Variants in ATP10A observed in about 807,000 individuals in gnomAD.
ATP10A encodes phospholipid-transporting ATPase VA.
A neutral mutation model predicts 147.8 loss-of-function variants in ATP10A; 111 were observed. The ratio of observed to expected loss-of-function variants is 0.75; its 90% CI spans 0.64 to 0.88. The LOEUF is 0.88. ATP10A is among the 40% of genes least tolerant of loss of function. The probability of loss-of-function intolerance (pLI) is 0.00; values close to 1 mark genes in which losing one functional copy is unlikely to be tolerated. For missense variants in ATP10A, 1,927 were observed against 1,959.0 expected (o/e 0.98, Z 0.31); for synonymous variants, 875 against 841.6 (o/e 1.04, Z -0.69).
At chr15:25,696,343 G>A (rs945455671) in intron 13 of ATP10A, among the ~76,000 whole-genome samples, 2 of 152,240 alleles carry the variant, frequency 1.3e-5, no homozygotes, top group Non-Finnish European at 2.9e-5. Flanking sequence ...GTGCGAAAGT[G>A]TGGAGATGGA....
chr15:25,694,984 C>G lies in ATP10A; in HGVS notation c.2923G>C (p.Asp975His). 1.2e-6 allele frequency: 2 copies of G among 1,614,184 alleles called. No homozygotes were observed. The highest frequency in any genetic ancestry group is 1.7e-6 in the Non-Finnish European group (2 of 1,180,036). The change falls in exon 14 of 21, where the codon GAT becomes CAT. Residue 975 changes from aspartate (D) to histidine (H), a missense_variant. Asp to His is a moderately conservative substitution (Grantham distance 81). Transcript: ENST00000555815. Reference sequence around the variant, plus strand: ...AGAGCGTAGGCCAGGCTTCTCCCATCGATCACGAGGCTGGGTCTGCGGCCA... The same window carrying G: ...AGAGCGTAGGCCAGGCTTCTCCCATGGATCACGAGGCTGGGTCTGCGGCCA... ...ASGRRPSLVI[D>H]GRSLAYALEK...
In ATP10A at chr15:25,718,207, T is replaced by C. The variant is rs1901945592; in HGVS notation, c.1556A>G (p.Lys519Arg). The C allele has an allele frequency of 6.2e-7, 1 of 1,612,962 alleles. No individual in the cohort carries two copies. The highest frequency in any genetic ancestry group is 8.5e-7 in the Non-Finnish European group (1 of 1,179,980). The part of the protein sequence containing the change: ...AEAKRASMLS[K>R]HTAFSSPMEK... ...CATGGGGCTGCTGAAGGCCGTGTGC[T>C]TGGACAGCATGCTGGCCCTCTTGGC... The change falls in exon 8 of 21, where the codon AAG (lysine) becomes AGG (arginine). Residue 519 changes from lysine to arginine, a missense_variant. Coordinates refer to ENST00000555815, the MANE Select transcript of ATP10A (RefSeq NM_024490.4).
intron 2 of ATP10A, among the ~76,000 whole-genome samples, chr15:25,747,988 G>A (rs1040884563): frequency 9.3e-5 from 14 of 151,014 alleles, no homozygotes; most frequent in African/African-American, 2.4e-4. Flanking sequence ...TTTTTGAGAC[G>A]GAGTCTCGCT....
intron 2 of ATP10A, among the ~76,000 whole-genome samples, chr15:25,760,397 T>C (rs1368164033): frequency 1.3e-5 from 2 of 152,176 alleles, no homozygotes; most frequent in Non-Finnish European, 2.9e-5. Flanking sequence ...ATAATTATGG[T>C]TCACGAATAA....
intron 2 of ATP10A, among the ~76,000 whole-genome samples, chr15:25,774,187 A>G (rs1335151111): frequency 2.0e-5 from 3 of 152,180 alleles, no homozygotes; most frequent in Non-Finnish European, 4.4e-5. Flanking sequence ...CCACACAAAA[A>G]ATTTTAAGTT....
At position 25,846,528 on chromosome 15, in the gene ATP10A, C is replaced by T. The variant is rs137879813; in HGVS notation, c.449+16120G>A. Among the ~76,000 whole-genome samples, 862 of 152,194 alleles carry T rather than the reference C, an allele frequency of 5.7e-3. 3 individuals are homozygous for T. Among genetic ancestry groups the T allele is most frequent in the Non-Finnish European group, 9.3e-3 (634 of 68,020 alleles). Reference sequence around the variant, plus strand: ...CAACCTTCAGAACTGACATGCTCAGCGCAGAAGGGCCACCCCTGGGCATGA... The same window carrying T: ...CAACCTTCAGAACTGACATGCTCAGTGCAGAAGGGCCACCCCTGGGCATGA... On this transcript the variant is annotated intron_variant, in intron 1 of 20. Coordinates refer to ENST00000555815, the MANE Select transcript of ATP10A (RefSeq NM_024490.4).
rs898404724 is a variant in ATP10A, at chr15:25,695,278, CCCT to C, written c.2761-135_2761-133del. On this transcript the variant is annotated intron_variant, in intron 13 of 20. Coordinates refer to ENST00000555815, the MANE Select transcript of ATP10A (RefSeq NM_024490.4). ...GCAGTACCCGCCTGCCCAGAGGCCA[CCCT>C]CCAGAAACTGTGAAGTTCAGCCGGA... is the stretch of plus-strand genomic sequence containing the variant. 1.0e-5 allele frequency: 8 copies of C among 802,522 alleles called. No homozygotes were observed. The African/African-American group carries it at 1.2e-4, about 12-fold the overall frequency. The allele number at this position is 802,522 out of a possible 1,614,324, so 49.7% of individuals were successfully genotyped here. A position where few individuals can be genotyped will look rare whatever the true frequency, so the allele number is the denominator to read the frequency against.
At chr15:25,826,339 C>T (rs570427157) in intron 1 of ATP10A, among the ~76,000 whole-genome samples, 2 of 152,102 alleles carry the variant, frequency 1.3e-5, no homozygotes, top group African/African-American at 2.4e-5. Flanking sequence ...GTGGGTGGAT[C>T]GCTTGAGCTC....
intron 2 of ATP10A, among the ~76,000 whole-genome samples, chr15:25,770,047 G>A (rs12908995): frequency 0.15 from 22,985 of 152,134 alleles, 2,012 homozygotes; most frequent in East Asian, 0.24. Context: ...TCCAGACTCC[G>A]GAACTGTGAG....
intron 1 of ATP10A, among the ~76,000 whole-genome samples, chr15:25,859,919 C>T (rs1440440368): frequency 1.3e-5 from 2 of 152,148 alleles, no homozygotes; most frequent in Admixed American, 1.3e-4. Flanking sequence ...TCATACTCTG[C>T]GTGAACAATG....
rs774148794 is a variant in ATP10A, at chr15:25,679,601, T to C, written c.4240A>G (p.Lys1414Glu). 4 of 1,611,182 alleles carry C rather than the reference T, an allele frequency of 2.5e-6. No homozygotes were observed. The highest frequency in any genetic ancestry group is 2.5e-6 in the Non-Finnish European group (3 of 1,178,210). Residue 1414 changes from lysine to glutamate, a missense_variant, in exon 21 of 21, where the codon AAG (lysine) becomes GAG (glutamate). By Grantham distance (56) the Lys-to-Glu change is moderately conservative. Coordinates refer to ENST00000555815, the MANE Select transcript of ATP10A (RefSeq NM_024490.4). ...RSPGGCPEESKVRAASTGRVT... is the reference protein window; with the variant it reads ...RSPGGCPEESEVRAASTGRVT... Reference sequence around the variant, plus strand: ...CTGCCGGTGCTGGCAGCTCTCACCTTGGACTCCTCAGGACACCCTCCTGGA... The same window carrying C: ...CTGCCGGTGCTGGCAGCTCTCACCTCGGACTCCTCAGGACACCCTCCTGGA...
intron 15 of ATP10A, among the ~76,000 whole-genome samples, chr15:25,689,287 T>G (rs1248307419): frequency 6.6e-6 from 1 of 152,342 alleles, no homozygotes; most frequent in East Asian, 1.9e-4. Context: ...GGTCACCTTG[T>G]ATCCCTGGCT....
intron 12 of ATP10A, among the ~76,000 whole-genome samples, chr15:25,702,753 A>ATT (rs760038774): frequency 8.0e-4 from 113 of 141,398 alleles, no homozygotes; most frequent in African/African-American, 2.8e-3. Flanking sequence ...CCTGCCTCAG[A>ATT]TTTTTTTTTT....
intron 1 of ATP10A, among the ~76,000 whole-genome samples, chr15:25,798,248 G>A (rs932650601): frequency 7.9e-5 from 12 of 152,210 alleles, no homozygotes; most frequent in Middle Eastern, 6.8e-3. Context: ...TCCTGGAGGC[G>A]AATCAACACT....
intron 2 of ATP10A, among the ~76,000 whole-genome samples, chr15:25,780,442 G>A (rs1392300320): frequency 1.3e-5 from 2 of 152,224 alleles, no homozygotes; most frequent in African/African-American, 4.8e-5. Flanking sequence ...CAGACCTGGC[G>A]GGTGGGGCCC....
At chr15:25,802,072 C>G (rs1890963256) in intron 1 of ATP10A, among the ~76,000 whole-genome samples, 1 of 152,184 alleles carries the variant, frequency 6.6e-6, no homozygotes, top group South Asian at 2.1e-4. Flanking sequence ...TCCCAAGAGC[C>G]TTTTAAAATA....
chr15:25,828,445 G>A (rs778240445), intron 1 of ATP10A, among the ~76,000 whole-genome samples: 3 of 152,172 alleles, frequency 2.0e-5, no homozygotes, highest in Non-Finnish European at 4.4e-5. Context: ...TACTAAGTAG[G>A]CTCTTGGAAT....
rs772446746 is a variant in ATP10A at position 25,718,241 on chromosome 15, G to A, written c.1522C>T (p.Arg508Trp). ...STKSHRRTGS[R>W]AEAKRASMLS... ...ATGCTGGCCCTCTTGGCCTCGGCCC[G>A]GCTGCCCGTGCGCCGGTGGGACTTG... Residue 508 changes from arginine to tryptophan, a missense_variant, in exon 8 of 21, where the codon CGG becomes TGG. Physicochemically the swap from Arg to Trp is moderately radical, Grantham distance 101. Coordinates refer to ENST00000555815, the MANE Select transcript of ATP10A (RefSeq NM_024490.4). 18 of 1,612,848 alleles carry A rather than the reference G, an allele frequency of 1.1e-5. No homozygotes were observed. Among genetic ancestry groups the A allele is most frequent in the African/African-American group, 2.7e-5 (2 of 74,932 alleles).
rs1171243964 is a variant in ATP10A at position 25,680,118 on chromosome 15, C to T, written c.3866+3G>A. The T allele has an allele frequency of 4.3e-6, 7 of 1,613,070 alleles. No individual in the cohort carries two copies. Among genetic ancestry groups the T allele is most frequent in the Non-Finnish European group, 5.9e-6 (7 of 1,179,836 alleles). ...AGAGGCACTATCCCGCTCCGACACC[C>T]ACCTGGGCAGCAGTGCAGCGACAGG... On this transcript the variant is annotated splice_donor_region_variant and intron_variant, in intron 20 of 20. Transcript: ENST00000555815.
Sources: gnomAD v4.1 joint callset for allele counts (sites outside exome capture counted in the v4.1 genomes callset) on GRCh38, gnomAD v4.1.1 for gene constraint, MANE v1.5 for transcripts, NCBI Gene and HGNC (gene_info 2026-07-23, HGNC 2026-07-21) for gene names.